ZNF70: variants seen among roughly 807,000 people sequenced by gnomAD.
The protein encoded by ZNF70 is zinc finger protein N27C7-1.
ZNF70 carries 18 observed loss-of-function variants against 37.7 expected under a neutral mutation model. The ratio of observed to expected loss-of-function variants is 0.48; its 90% confidence interval spans 0.33 to 0.71. ZNF70 has a LOEUF of 0.71. Ranked by LOEUF, ZNF70 falls within the 30% of genes least tolerant of loss-of-function variation. The probability of loss-of-function intolerance (pLI) is 0.02; values close to 1 mark genes in which losing one functional copy is unlikely to be tolerated. For synonymous variants in ZNF70, 219 were observed against 220.1 expected, an observed-to-expected ratio of 0.99 and a Z score of 0.05; for missense variants, 506 against 568.6, an observed-to-expected ratio of 0.89 and a Z score of 1.12.
intron 1 of ZNF70, among the ~76,000 whole-genome samples, chr22:23,749,490 T>C (rs1176849274): frequency 8.4e-6 from 1 of 118,502 alleles, no homozygotes; most frequent in East Asian, 2.9e-4. Context: ...ATCGCGCCAC[T>C]GCACTCCAGG....
chr22:23,750,103 G>A (rs1425916861), intron 1 of ZNF70, among the ~76,000 whole-genome samples: 1 of 152,040 alleles, frequency 6.6e-6, no homozygotes, highest in African/African-American at 2.4e-5. Context: ...TCGAGTTTCC[G>A]ATTTCAGCTG....
Position 23,743,229 on chromosome 22 carries a change from C to G in ZNF70, c.*571G>C, listed in dbSNP as rs1257523785. 1.3e-5 allele frequency: 2 copies of G among 154,544 alleles called. No individual in the cohort carries two copies. The highest frequency in any genetic ancestry group is 2.9e-5 in the Non-Finnish European group (2 of 69,624). The allele number at this position is 154,544 out of a possible 1,614,324, so 9.6% of individuals were successfully genotyped here. A position where few individuals can be genotyped will look rare whatever the true frequency, so the allele number is the denominator to read the frequency against. ...CCCTCATCCCCAATCTCAAGACCCA[C>G]CCTCCAGACCTGCCTTTGCTCTGCA... On this transcript the variant is annotated 3_prime_UTR_variant, in exon 2 of 2. Transcript: ENST00000341976.
At chr22:23,749,923 T>G (rs1482260789) in intron 1 of ZNF70, among the ~76,000 whole-genome samples, 1 of 152,110 alleles carries the variant, frequency 6.6e-6, no homozygotes, top group Non-Finnish European at 1.5e-5. Context: ...CAGCTTAGAC[T>G]CTCCATACTA....
At chr22:23,749,647 T>C (rs1037261604) in intron 1 of ZNF70, among the ~76,000 whole-genome samples, 7 of 152,026 alleles carry the variant, frequency 4.6e-5, no homozygotes, top group Non-Finnish European at 1.0e-4. Context: ...TTGTGCAGAC[T>C]GGTCTCGAAT....
At chr22:23,745,596 C>G (rs781616517) in intron 1 of ZNF70, among the ~76,000 whole-genome samples, 1 of 152,114 alleles carries the variant, frequency 6.6e-6, no homozygotes, top group Non-Finnish European at 1.5e-5. Flanking sequence ...TGGTGAAACC[C>G]GGTCTCCACT....
rs1048223486 is a variant in ZNF70, at chr22:23,740,970, A to C, written c.*2830T>G. 3 of 152,226 alleles carry C rather than the reference A, an allele frequency of 2.0e-5. No individual in the cohort carries two copies. The highest frequency in any genetic ancestry group is 7.2e-5 in the African/African-American group (3 of 41,392). The allele number at this position is 152,226 out of a possible 1,614,324, so 9.4% of individuals were successfully genotyped here. On this transcript the variant is annotated 3_prime_UTR_variant, in exon 2 of 2. Coordinates refer to ENST00000341976, the MANE Select transcript of ZNF70 (RefSeq NM_021916.4). ...GGAGAAAGTGCACATTTCAAAATGC[A>C]AGAACAGCACAGAATTATGAGCTGG...
chr22:23,748,038 A>G (rs2145900534), intron 1 of ZNF70, among the ~76,000 whole-genome samples: 1 of 152,228 alleles, frequency 6.6e-6, no homozygotes, highest in East Asian at 1.9e-4. Context: ...AGGTGACACA[A>G]TAATGATAGC....
In ZNF70 at chr22:23,744,469, G is replaced by A. The variant is rs758069065; in HGVS notation, c.672C>T (p.Tyr224=). 8.7e-6 allele frequency: 14 copies of A among 1,613,924 alleles called. No homozygotes were observed. The East Asian group carries it at 1.1e-4, about 13-fold the overall frequency. The change falls in exon 2 of 2, where the codon TAC becomes TAT. Residue 224 remains tyrosine (Y), a synonymous_variant. Transcript: ENST00000341976. The part of the protein sequence containing the change: ...HQKIHTGKRP[Y]ECRECGKDFS... ...AATCTTTCCCGCATTCCCTGCACTC[G>A]TAGGGCCTCTTTCCGGTGTGGATCT...
chr22:23,744,259 GTGTGACC>G lies in ZNF70; in HGVS notation c.875_881del (p.Arg292ThrfsTer86). 6.2e-7 allele frequency: 1 copy of G among 1,612,990 alleles called. No homozygotes were observed. The highest frequency in any genetic ancestry group is 8.5e-7 in the Non-Finnish European group (1 of 1,179,710). On this transcript the variant is annotated frameshift_variant, in exon 2 of 2. Transcript: ENST00000341976. LOFTEE classifies it high-confidence loss of function. ...TGTGGATCCGCTGGTGTCGGATGAG[GTGTGACC>G]TGTGACAAAAGGCTTTCCCACAGAG...
rs1465112159 is a variant in ZNF70 at position 23,738,722 on chromosome 22, T to C, written c.*5078A>G. On this transcript the variant is annotated 3_prime_UTR_variant, in exon 2 of 2. Transcript: ENST00000341976. ...ACTTATTTATTGATAATTCATACCCTGCCTATTTCTCAAAAATGACTTGAG... is the reference window on the plus strand; with the variant it reads ...ACTTATTTATTGATAATTCATACCCCGCCTATTTCTCAAAAATGACTTGAG... 6.6e-6 allele frequency: 1 copy of C among 152,154 alleles called. No individual in the cohort carries two copies. The highest frequency in any genetic ancestry group is 1.5e-5 in the Non-Finnish European group (1 of 68,042). 9.4% of individuals were successfully genotyped at this position (152,154 alleles called of 1,614,324 possible).
chr22:23,744,638 T>C lies in ZNF70; in HGVS notation c.503A>G (p.Tyr168Cys), dbSNP rs762577260. ...HLVIHTGEKP[Y>C]ECCECGKAFS... is the part of the protein sequence containing the mutation. ...GGCCTTCCCGCACTCACAGCACTCA[T>C]AGGGCTTCTCCCCAGTGTGGATCAC... The change falls in exon 2 of 2, where the codon TAT becomes TGT. Residue 168 changes from tyrosine (Y) to cysteine (C), a missense_variant. By Grantham distance (194) the Tyr-to-Cys change is radical. Transcript: ENST00000341976. 2.5e-5 allele frequency: 40 copies of C among 1,614,126 alleles called. No individual in the cohort carries two copies. The highest frequency in any genetic ancestry group is 5.0e-5 in the Admixed American group (3 of 60,030).
chr22:23,740,333 A>G lies in ZNF70; in HGVS notation c.*3467T>C, dbSNP rs2145891193. On this transcript the variant is annotated 3_prime_UTR_variant, in exon 2 of 2. Coordinates refer to ENST00000341976, the MANE Select transcript of ZNF70 (RefSeq NM_021916.4). ...TCAAAAAAAGAAAAAAGAAAAAAGA[A>G]AAAAAAAGGTAGGACAACAAAAACA... 6.6e-6 allele frequency: 1 copy of G among 150,836 alleles called. No homozygotes were observed. The highest frequency in any genetic ancestry group is 1.9e-4 in the East Asian group (1 of 5,164). The allele number at this position is 150,836 out of a possible 1,614,324, so 9.3% of individuals were successfully genotyped here.
In ZNF70 at chr22:23,741,891, GC is replaced by G. The variant is rs1282012300; in HGVS notation, c.*1908del. 3.9e-5 allele frequency: 6 copies of G among 152,304 alleles called. No individual in the cohort carries two copies. The allele number at this position is 152,304 out of a possible 1,614,324, so 9.4% of individuals were successfully genotyped here. A position where few individuals can be genotyped will look rare whatever the true frequency, so the allele number is the denominator to read the frequency against. On this transcript the variant is annotated 3_prime_UTR_variant, in exon 2 of 2. Transcript: ENST00000341976. ...GGAGTGAGGGCACTGAGACAGAATG[GC>G]CTTCAAGCTCTGCTCAGCCAAAGCC...
chr22:23,742,724 G>C lies in ZNF70; in HGVS notation c.*1076C>G, dbSNP rs1924918665. 6.6e-6 allele frequency: 1 copy of C among 152,308 alleles called. No homozygotes were observed. Among genetic ancestry groups the C allele is most frequent in the Admixed American group, 6.5e-5 (1 of 15,282 alleles). 9.4% of individuals were successfully genotyped at this position (152,308 alleles called of 1,614,324 possible). A position where few individuals can be genotyped will look rare whatever the true frequency, so the allele number is the denominator to read the frequency against. ...AGCACTTTCACAGTGGCTGTGTTCT[G>C]AATGACAGCCTGGCACCAACCCTTA... is the stretch of plus-strand genomic sequence containing the variant. On this transcript the variant is annotated 3_prime_UTR_variant, in exon 2 of 2. Transcript: ENST00000341976.
At chr22:23,748,546 AT>A (rs36067984) in intron 1 of ZNF70, among the ~76,000 whole-genome samples, 8,108 of 141,776 alleles carry the variant, frequency 0.057, 623 homozygotes, top group African/African-American at 0.19. Flanking sequence ...AGCAGAAATG[AT>A]TTTTTTTTTT....
Position 23,743,431 on chromosome 22 carries a change from T to C in ZNF70, c.*369A>G, listed in dbSNP as rs1924949612. 3 of 214,208 alleles carry C rather than the reference T, an allele frequency of 1.4e-5. 1 individual carries two copies. In the South Asian group the frequency reaches 3.5e-4, roughly 25 times the overall value. 13.3% of individuals were successfully genotyped at this position (214,208 alleles called of 1,614,324 possible). ...TTAAAGAGTTCTTCTGATATTTTCC[T>C]GGGTTTAATTCAACTTTCTCCCTCT... On this transcript the variant is annotated 3_prime_UTR_variant, in exon 2 of 2. Transcript: ENST00000341976.
At position 23,743,147 on chromosome 22, in the gene ZNF70, G is replaced by A. The variant is rs563334503; in HGVS notation, c.*653C>T. 6.6e-6 allele frequency: 1 copy of A among 152,630 alleles called. No individual in the cohort carries two copies. The highest frequency in any genetic ancestry group is 2.1e-4 in the South Asian group (1 of 4,832). The allele number at this position is 152,630 out of a possible 1,614,324, so 9.5% of individuals were successfully genotyped here. A position where few individuals can be genotyped will look rare whatever the true frequency, so the allele number is the denominator to read the frequency against. ...ATCCTCCTGTAACAGAGCTGTCTGA[G>A]GGAAACTGCCCTAGGGCTAAGGAGA... is the stretch of plus-strand genomic sequence containing the variant. On this transcript the variant is annotated 3_prime_UTR_variant, in exon 2 of 2. Coordinates refer to ENST00000341976, the MANE Select transcript of ZNF70 (RefSeq NM_021916.4).
At position 23,744,250 on chromosome 22, in the gene ZNF70, T is replaced by A; in HGVS notation, c.891A>T (p.Arg297=). The A allele has an allele frequency of 6.2e-7, 1 of 1,612,240 alleles. No individual in the cohort carries two copies. Among genetic ancestry groups the A allele is most frequent in the Non-Finnish European group, 8.5e-7 (1 of 1,179,498 alleles). The change falls in exon 2 of 2, where the codon CGA becomes CGT. Residue 297 remains arginine, a synonymous_variant. Transcript: ENST00000341976. ...KAFCHRSHLI[R]HQRIHTGKKP... ...TCTTCCCAGTGTGGATCCGCTGGTG[T>A]CGGATGAGGTGTGACCTGTGACAAA... is the stretch of plus-strand genomic sequence containing the variant.
At chr22:23,745,334 T>A in intron 1 of ZNF70, 115 bp from the exon 2 acceptor site, 1 of 641,046 alleles carries the variant, frequency 1.6e-6, no homozygotes, top group Non-Finnish European at 2.6e-6. Context: ...GACACAATCT[T>A]GCCCTTAAGA....
Sources: gnomAD v4.1 joint callset for allele counts (sites outside exome capture counted in the v4.1 genomes callset) on GRCh38, gnomAD v4.1.1 for gene constraint, MANE v1.5 for transcripts, NCBI Gene and HGNC (gene_info 2026-07-23, HGNC 2026-07-21) for gene names.